CCDC186: variants seen among roughly 807,000 people sequenced by gnomAD.
The protein encoded by CCDC186 is coiled-coil domain containing 186.
In CCDC186, 49 loss-of-function variants were observed where a neutral mutation model predicts 113.7. The ratio of observed to expected loss-of-function variants is 0.43; its 90% confidence interval spans 0.34 to 0.55. The LOEUF is 0.55. Among genes scored for constraint, CCDC186 ranks in the 20% least tolerant of loss-of-function variants. The probability of loss-of-function intolerance (pLI) is 0.02; values close to 1 mark genes in which losing one functional copy is unlikely to be tolerated. For missense variants in CCDC186, 890 were observed against 1,011.1 expected, an observed-to-expected ratio of 0.88 and a Z score of 1.62; for synonymous variants, 355 against 345.8, an observed-to-expected ratio of 1.03 and a Z score of -0.30.
chr10:114,151,072 G>C lies in CCDC186; in HGVS notation c.888+20C>G, dbSNP rs889704507. 1.2e-6 allele frequency: 2 copies of C among 1,605,146 alleles called. No individual in the cohort carries two copies. Among genetic ancestry groups the C allele is most frequent in the Non-Finnish European group, 1.7e-6 (2 of 1,177,540 alleles). On this transcript the variant is annotated intron_variant, in intron 4 of 15. Coordinates refer to ENST00000369287, the MANE Select transcript of CCDC186 (RefSeq NM_018017.4). ...GTCACCAGAATATCAAGTTAATAAT[G>C]ACAACGATGTGAGAAATACCTGTTC...
intron 15 of CCDC186, among the ~76,000 whole-genome samples, chr10:114,125,442 A>G (rs1043931655): frequency 6.6e-6 from 1 of 152,222 alleles, no homozygotes; most frequent in Non-Finnish European, 1.5e-5. Context: ...AAGCTACAGC[A>G]ATTTTTAATG....
intron 6 of CCDC186, among the ~76,000 whole-genome samples, chr10:114,137,930 G>A (rs1263116743): frequency 6.7e-6 from 1 of 150,052 alleles, no homozygotes; most frequent in Non-Finnish European, 1.5e-5. Context: ...CAGATACTCA[G>A]GAAGGCTGAA....
chr10:114,128,892 TAAAAGA>T (rs992002189), intron 13 of CCDC186, among the ~76,000 whole-genome samples: 8 of 152,252 alleles, frequency 5.3e-5, no homozygotes, highest in African/African-American at 1.9e-4. Context: ...TCTTGGGTGT[TAAAAGA>T]AAAAGAGAGA....
At chr10:114,140,039 A>G (rs34661666) in intron 6 of CCDC186, among the ~76,000 whole-genome samples, 11,721 of 152,284 alleles carry the variant, frequency 0.077, 546 homozygotes, top group Middle Eastern at 0.14. Flanking sequence ...CTGGGCATCT[A>G]TGCACCAGGC....
At chr10:114,138,714 A>C (rs928755962) in intron 6 of CCDC186, among the ~76,000 whole-genome samples, 9 of 152,148 alleles carry the variant, frequency 5.9e-5, no homozygotes, top group African/African-American at 2.2e-4. Context: ...TGACTCTTTC[A>C]ATATCCTTCC....
Position 114,145,529 on chromosome 10 carries a change from T to G in CCDC186, c.1101+20A>C. ...AAATTTCAAATAAGGTCAACATATTTCAAATGGCACAAGTTATACCTTAGT... is the reference window on the plus strand; with the variant it reads ...AAATTTCAAATAAGGTCAACATATTGCAAATGGCACAAGTTATACCTTAGT... On this transcript the variant is annotated intron_variant, in intron 5 of 15. Coordinates refer to ENST00000369287, the MANE Select transcript of CCDC186 (RefSeq NM_018017.4). The G allele has an allele frequency of 6.4e-7, 1 of 1,554,394 alleles. No homozygotes were observed. The highest frequency in any genetic ancestry group is 2.3e-5 in the East Asian group (1 of 44,100).
At chr10:114,146,693 T>G (rs773763499) in intron 4 of CCDC186, among the ~76,000 whole-genome samples, 1 of 152,220 alleles carries the variant, frequency 6.6e-6, no homozygotes, top group African/African-American at 2.4e-5. Flanking sequence ...TTTGCAAATA[T>G]GGTGAAGCAC....
chr10:114,135,065 G>T lies in CCDC186; in HGVS notation c.1513-10C>A. 6.3e-7 allele frequency: 1 copy of T among 1,598,232 alleles called. No homozygotes were observed. Among genetic ancestry groups the T allele is most frequent in the South Asian group, 1.1e-5 (1 of 87,870 alleles). On this transcript the variant is annotated splice_polypyrimidine_tract_variant and intron_variant, in intron 9 of 15. Transcript: ENST00000369287. Reference sequence around the variant, plus strand: ...CTTCTAGACATTTCACCTATCAAATGATCACAACCAAGTTACAAACCATGT... The same window carrying T: ...CTTCTAGACATTTCACCTATCAAATTATCACAACCAAGTTACAAACCATGT...
chr10:114,125,957 G>T lies in CCDC186; in HGVS notation c.2542C>A (p.Leu848Ile), dbSNP rs779871444. Residue 848 changes from leucine (L) to isoleucine (I), a missense_variant, in exon 15 of 16, where the codon CTC becomes ATC. By Grantham distance (5) the Leu-to-Ile change is conservative. Coordinates refer to ENST00000369287, the MANE Select transcript of CCDC186 (RefSeq NM_018017.4). ...HPADNGLTLE[L>I]SLEINRKLQA... ...AATTTTCGGTTGATTTCCAAAGAGA[G>T]CTCCAATGTTAATCCATTGTCAGCT... is the stretch of plus-strand genomic sequence containing the variant. The T allele has an allele frequency of 6.2e-7, 1 of 1,613,882 alleles. No homozygotes were observed. Among genetic ancestry groups the T allele is most frequent in the African/African-American group, 1.3e-5 (1 of 74,924 alleles).
chr10:114,145,687 T>C lies in CCDC186; in HGVS notation c.963A>G (p.Glu321=), dbSNP rs778674571. 3.1e-6 allele frequency: 5 copies of C among 1,612,952 alleles called. No homozygotes were observed. The highest frequency in any genetic ancestry group is 2.7e-5 in the African/African-American group (2 of 74,818). ...CTTTTTCCTTTCGAAGATCTAAAGA[T>C]TCCTTCTCACCTCTTACATATTTCA... ...MVMKYVRGEK[E]SLDLRKEKET... The change falls in exon 5 of 16, where the codon GAA becomes GAG. Residue 321 remains glutamate, a synonymous_variant. Coordinates refer to ENST00000369287, the MANE Select transcript of CCDC186 (RefSeq NM_018017.4).
intron 6 of CCDC186, among the ~76,000 whole-genome samples, chr10:114,140,000 G>T (rs2031414401): frequency 6.6e-6 from 1 of 152,170 alleles, no homozygotes; most frequent in African/African-American, 2.4e-5. Flanking sequence ...TATTGACTGT[G>T]TTTCACTTAT....
At chr10:114,128,252 G>A (rs1309117982) in intron 13 of CCDC186, among the ~76,000 whole-genome samples, 2 of 152,078 alleles carry the variant, frequency 1.3e-5, no homozygotes, top group African/African-American at 4.8e-5. Context: ...GTAGTGTTAG[G>A]TATTACTTTT....
chr10:114,130,097 C>T, intron 12 of CCDC186, 126 bp from the exon 13 acceptor site: 2 of 708,532 alleles, frequency 2.8e-6, no homozygotes, highest in Non-Finnish European at 4.8e-6. Context: ...TGAATACATA[C>T]TTTAGGCAGA....
intron 3 of CCDC186, among the ~76,000 whole-genome samples, chr10:114,157,247 G>A (rs1288051922): frequency 1.4e-5 from 2 of 144,288 alleles, no homozygotes; most frequent in African/African-American, 2.6e-5. Flanking sequence ...ACAGTGGCAC[G>A]ATCTCAGCTC....
At chr10:114,127,884 T>A (rs2030959039) in intron 13 of CCDC186, among the ~76,000 whole-genome samples, 1 of 152,090 alleles carries the variant, frequency 6.6e-6, no homozygotes, top group Non-Finnish European at 1.5e-5. Context: ...CAGGAAGTGG[T>A]AATAGAGCAA....
intron 4 of CCDC186, among the ~76,000 whole-genome samples, chr10:114,147,919 A>G (rs1191377392): frequency 2.0e-5 from 3 of 152,144 alleles, no homozygotes; most frequent in Non-Finnish European, 4.4e-5. Flanking sequence ...GCCTGAGCCC[A>G]GGAGTTTGAG....
intron 1 of CCDC186, among the ~76,000 whole-genome samples, chr10:114,172,264 G>T (rs1483970020): frequency 6.6e-6 from 1 of 152,204 alleles, no homozygotes; most frequent in Non-Finnish European, 1.5e-5. Flanking sequence ...AAATAAAGCT[G>T]CTTTGTGCTT....
In CCDC186 at chr10:114,129,915, T is replaced by C. The variant is rs1055056913; in HGVS notation, c.2158A>G (p.Met720Val). ...CCTGATGAACTAGAACGACTTCCCA[T>C]GCTGCTGACTTCTTTGTCATAGCTT... ...SGSYDKEVSS[M>V]GSRSSSSGSL... The change falls in exon 13 of 16, where the codon ATG becomes GTG. Residue 720 changes from methionine (M) to valine (V), a missense_variant. Coordinates refer to ENST00000369287, the MANE Select transcript of CCDC186 (RefSeq NM_018017.4). 6 of 1,613,714 alleles carry C rather than the reference T, an allele frequency of 3.7e-6. No individual in the cohort carries two copies. The highest frequency in any genetic ancestry group is 1.3e-5 in the African/African-American group (1 of 75,030).
chr10:114,154,167 C>A (rs1589625149), intron 3 of CCDC186, among the ~76,000 whole-genome samples: 1 of 141,256 alleles, frequency 7.1e-6, no homozygotes, highest in African/African-American at 2.6e-5. Flanking sequence ...ACCGAGATCG[C>A]AACATCGCAC....
Sources: gnomAD v4.1 joint callset for allele counts (sites outside exome capture counted in the v4.1 genomes callset) on GRCh38, gnomAD v4.1.1 for gene constraint, MANE v1.5 for transcripts, NCBI Gene and HGNC (gene_info 2026-07-23, HGNC 2026-07-21) for gene names.